DPP6: variants seen among roughly 807,000 people sequenced by gnomAD.
DPP6 encodes dipeptidyl peptidase like 6, also known as A-type potassium channel modulatory protein DPP6.
DPP6 carries 69 observed loss-of-function variants against 122.6 expected under a neutral mutation model. The ratio of observed to expected loss-of-function variants is 0.56; its 90% CI spans 0.46 to 0.69. The LOEUF (loss-of-function observed/expected upper bound fraction) is 0.69. Among genes scored for constraint, DPP6 ranks in the 30% least tolerant of loss-of-function variants. The pLI, the probability that DPP6 is intolerant of heterozygous loss-of-function variation, is 0.00. For missense variants in DPP6, 928 were observed against 1,116.9 expected (o/e 0.83, Z 2.41); for synonymous variants, 418 against 433.1 (o/e 0.97, Z 0.43).
chr7:153,926,564 G>A (rs1011741901), intron 1 of DPP6, among the ~76,000 whole-genome samples: 1 of 152,160 alleles, frequency 6.6e-6, no homozygotes, highest in African/African-American at 2.4e-5. Flanking sequence ...TGTGATGGAA[G>A]TTGATAGGTG....
the DPP6 span, among the ~76,000 whole-genome samples, chr7:153,869,481 C>CT: frequency 1.3e-5 from 2 of 152,164 alleles, no homozygotes; most frequent in East Asian, 1.9e-4. Flanking sequence ...CAACCCCTGC[C>CT]TTTTTTTGTT....
At chr7:154,141,843 C>G (rs1400030131) in intron 1 of DPP6, among the ~76,000 whole-genome samples, 1 of 152,208 alleles carries the variant, frequency 6.6e-6, no homozygotes, top group Non-Finnish European at 1.5e-5. Context: ...AGCTGAAGAT[C>G]ACTGAGGAAC....
At chr7:154,709,083 A>C (rs1320060614) in intron 7 of DPP6, among the ~76,000 whole-genome samples, 1 of 152,224 alleles carries the variant, frequency 6.6e-6, no homozygotes, top group South Asian at 2.1e-4. Context: ...GTTGAAAAGC[A>C]TTCCTAATAT....
chr7:154,014,530 G>T (rs545541031), intron 1 of DPP6, among the ~76,000 whole-genome samples: 2 of 151,720 alleles, frequency 1.3e-5, no homozygotes, highest in Admixed American at 1.3e-4. Flanking sequence ...TGGCACACGC[G>T]TGTAGTCCCA....
At chr7:154,148,594 C>T (rs1359954604) in intron 1 of DPP6, among the ~76,000 whole-genome samples, 1 of 152,260 alleles carries the variant, frequency 6.6e-6, no homozygotes, top group Non-Finnish European at 1.5e-5. Flanking sequence ...GCAGTGGGCA[C>T]TCTCCTGGCA....
intron 1 of DPP6, among the ~76,000 whole-genome samples, chr7:154,264,270 C>T (rs1803229525): frequency 6.6e-6 from 1 of 152,146 alleles, no homozygotes; most frequent in African/African-American, 2.4e-5. Flanking sequence ...CACAACATGA[C>T]ATGCATACAA....
chr7:153,999,221 G>A (rs1341812625), intron 1 of DPP6, among the ~76,000 whole-genome samples: 1 of 152,210 alleles, frequency 6.6e-6, no homozygotes, highest in Non-Finnish European at 1.5e-5. Flanking sequence ...AGTCACAAGG[G>A]TCAAAAGAGA....
chr7:154,029,950 C>G (rs182779605), intron 1 of DPP6, among the ~76,000 whole-genome samples: 1 of 152,244 alleles, frequency 6.6e-6, no homozygotes, highest in African/African-American at 2.4e-5. Flanking sequence ...AATCCCAGCA[C>G]TTTGGGAAGC....
At chr7:154,465,984 A>G (rs868188027) in intron 2 of DPP6, among the ~76,000 whole-genome samples, 5 of 152,206 alleles carry the variant, frequency 3.3e-5, no homozygotes, top group African/African-American at 1.2e-4. Flanking sequence ...TAGACTGGAT[A>G]AAAAAATGTG....
chr7:154,886,810 C>T (rs2150696113), intron 22 of DPP6, among the ~76,000 whole-genome samples: 1 of 152,274 alleles, frequency 6.6e-6, no homozygotes, highest in Non-Finnish European at 1.5e-5. Flanking sequence ...AAGGCAGGGA[C>T]CACGGTGGGC....
At chr7:154,101,436 A>C (rs1028105761) in intron 1 of DPP6, among the ~76,000 whole-genome samples, 8 of 150,178 alleles carry the variant, frequency 5.3e-5, no homozygotes, top group Non-Finnish European at 3.0e-5. Context: ...CTTTCAGCAC[A>C]CATCAGTACA....
chr7:154,326,867 C>T (rs749585277), intron 1 of DPP6, among the ~76,000 whole-genome samples: 1 of 152,142 alleles, frequency 6.6e-6, no homozygotes, highest in African/African-American at 2.4e-5. Context: ...TAAAAGATTT[C>T]CTCTTGATTT....
chr7:154,212,800 G>A (rs189108060), intron 1 of DPP6, among the ~76,000 whole-genome samples: 3 of 152,290 alleles, frequency 2.0e-5, no homozygotes, highest in East Asian at 3.9e-4. Flanking sequence ...ATGCAAGATG[G>A]CAGGTGCCAT....
intron 18 of DPP6, among the ~76,000 whole-genome samples, chr7:154,869,220 C>T (rs1395991609): frequency 1.3e-5 from 2 of 152,170 alleles, no homozygotes; most frequent in Non-Finnish European, 2.9e-5. Context: ...GAGACAGCAG[C>T]GTGTCGCCTG....
the DPP6 span, among the ~76,000 whole-genome samples, chr7:153,782,782 C>T: frequency 6.6e-6 from 1 of 152,268 alleles, no homozygotes; most frequent in South Asian, 2.1e-4. Flanking sequence ...AGATTCACCT[C>T]TTGCCCTGTG....
At chr7:154,141,140 G>T (rs146552012) in intron 1 of DPP6, among the ~76,000 whole-genome samples, 2,044 of 152,314 alleles carry the variant, frequency 0.013, 43 homozygotes, top group African/African-American at 0.047. Flanking sequence ...AGAAGCATGG[G>T]TGTGTGGGCT....
In DPP6 at chr7:154,614,237, T is replaced by C. The variant is rs867051716; in HGVS notation, c.628-23584T>C. ...TCACATAGGGTTAGCTTGCGTTAGCTTCTTTTAACTGGTTGTTCTGTTGGT... is the reference window on the plus strand; with the variant it reads ...TCACATAGGGTTAGCTTGCGTTAGCCTCTTTTAACTGGTTGTTCTGTTGGT... On this transcript the variant is annotated intron_variant, in intron 5 of 25. Transcript: ENST00000377770. Among the ~76,000 whole-genome samples the C allele has an allele frequency of 9.2e-5, 14 of 152,362 alleles. 1 individual carries two copies. The Middle Eastern group carries it at 0.017, about 185-fold the overall frequency.
At chr7:154,272,304 A>G (rs186756444) in intron 1 of DPP6, among the ~76,000 whole-genome samples, 2 of 152,216 alleles carry the variant, frequency 1.3e-5, no homozygotes, top group African/African-American at 4.8e-5. Context: ...CACTTAGTAC[A>G]TTACCTCAGA....
intron 1 of DPP6, among the ~76,000 whole-genome samples, chr7:153,971,824 T>C (rs1166477558): frequency 7.0e-6 from 1 of 142,630 alleles, no homozygotes; most frequent in East Asian, 2.1e-4. Flanking sequence ...CTCCATAACG[T>C]CTAGCTTTAC....
Sources: allele counts gnomAD v4.1 joint callset (sites outside exome capture counted in the v4.1 genomes callset), GRCh38; gene constraint gnomAD v4.1.1; transcripts MANE v1.5; gene names NCBI Gene and HGNC (gene_info 2026-07-23, HGNC 2026-07-21).